Variants in NTM observed in about 807,000 individuals in gnomAD.
NTM encodes the protein IgLON family member 2.
NTM carries 13 observed loss-of-function variants against 42.1 expected under a neutral mutation model. The observed-to-expected ratio is 0.31, with a 90% CI of 0.20 to 0.49. NTM has a LOEUF of 0.49. Among genes scored for constraint, NTM ranks in the 20% least tolerant of loss-of-function variants. NTM has a pLI of 0.99. For synonymous variants in NTM, 187 were observed against 179.2 expected (o/e 1.04, Z -0.35); for missense variants, 373 against 452.8 (o/e 0.82, Z 1.60).
At chr11:131,848,904 A>G (rs911006381) in intron 1 of NTM, among the ~76,000 whole-genome samples, 5 of 152,220 alleles carry the variant, frequency 3.3e-5, no homozygotes, top group African/African-American at 1.2e-4. Flanking sequence ...AGCATATTAT[A>G]TTACTTGTCA....
chr11:131,476,376 G>T (rs537278160), intron 1 of NTM, among the ~76,000 whole-genome samples: 1 of 152,282 alleles, frequency 6.6e-6, no homozygotes, highest in Admixed American at 6.5e-5. Context: ...CATGTACCTG[G>T]GCCCTGTGGC....
intron 2 of NTM, among the ~76,000 whole-genome samples, chr11:132,141,368 C>G (rs892437535): frequency 1.3e-5 from 2 of 152,132 alleles, no homozygotes; most frequent in East Asian, 1.9e-4. Context: ...CTGCGGTGCA[C>G]ATCTTGGGCT....
chr11:131,919,038 A>C (rs936657124), intron 2 of NTM, among the ~76,000 whole-genome samples: 2 of 152,042 alleles, frequency 1.3e-5, no homozygotes, highest in Non-Finnish European at 2.9e-5. Flanking sequence ...CAATTCTAGG[A>C]GGATTCTACA....
intron 1 of NTM, among the ~76,000 whole-genome samples, chr11:131,429,899 C>T (rs1416639988): frequency 6.6e-6 from 1 of 152,204 alleles, no homozygotes; most frequent in Non-Finnish European, 1.5e-5. Context: ...TATTATGGCA[C>T]TGACATTGTA....
intron 1 of NTM, among the ~76,000 whole-genome samples, chr11:131,474,960 G>A (rs1422682481): frequency 6.6e-6 from 1 of 152,140 alleles, no homozygotes; most frequent in Non-Finnish European, 1.5e-5. Context: ...TTTCTCTCTA[G>A]CCTCATTGCC....
At chr11:132,018,116 CCTCTGTCT>C (rs1272555116) in intron 2 of NTM, among the ~76,000 whole-genome samples, 5 of 151,328 alleles carry the variant, frequency 3.3e-5, no homozygotes, top group South Asian at 2.1e-4. Flanking sequence ...TCCCTCTCTC[CCTCTGTCT>C]CTCTGTCTCT....
chr11:132,189,741 T>C (rs1214291633), intron 3 of NTM, among the ~76,000 whole-genome samples: 1 of 152,136 alleles, frequency 6.6e-6, no homozygotes, highest in South Asian at 2.1e-4. Context: ...GTGTCAATAG[T>C]TATGTCATAG....
At chr11:131,491,033 A>G (rs1954724122) in intron 1 of NTM, among the ~76,000 whole-genome samples, 2 of 152,208 alleles carry the variant, frequency 1.3e-5, no homozygotes, top group Non-Finnish European at 2.9e-5. Flanking sequence ...CATGTGGCCC[A>G]GTATTGGGGA....
chr11:132,227,582 T>A (rs978119232), intron 4 of NTM, among the ~76,000 whole-genome samples: 1 of 152,120 alleles, frequency 6.6e-6, no homozygotes, highest in African/African-American at 2.4e-5. Flanking sequence ...CGGTGTTCTC[T>A]GTTGTTCCTC....
At chr11:132,108,660 T>C (rs1183311707) in intron 2 of NTM, among the ~76,000 whole-genome samples, 1 of 151,924 alleles carries the variant, frequency 6.6e-6, no homozygotes, top group Non-Finnish European at 1.5e-5. Context: ...ATGTCACCTG[T>C]CCCCGAAAAA....
Position 131,749,543 on chromosome 11 carries a change from G to A in NTM, c.83-162021G>A, listed in dbSNP as rs1445097957. Among the ~76,000 whole-genome samples the A allele has an allele frequency of 3.3e-5, 5 of 152,194 alleles. No individual in the cohort carries two copies. The East Asian group carries it at 5.8e-4, about 18-fold the overall frequency. The stretch of plus-strand genomic sequence containing the variant: ...CCCTACCTTGATCCCTTAGCCCCTG[G>A]GACACACCTCTGTTGTTGACGTATG... On this transcript the variant is annotated intron_variant, in intron 1 of 8. Coordinates refer to ENST00000683400, the MANE Select transcript of NTM (RefSeq NM_001352005.2).
intron 1 of NTM, among the ~76,000 whole-genome samples, chr11:131,782,319 A>G (rs756474419): frequency 3.9e-5 from 6 of 151,966 alleles, no homozygotes; most frequent in Non-Finnish European, 8.8e-5. Flanking sequence ...CAAACCAAAA[A>G]TTACCAAAAT....
At chr11:131,752,397 TG>T (rs765940339) in intron 1 of NTM, among the ~76,000 whole-genome samples, 6 of 152,200 alleles carry the variant, frequency 3.9e-5, no homozygotes, top group Non-Finnish European at 7.3e-5. Flanking sequence ...CAACAGGTGC[TG>T]GAGAGGATGT....
chr11:131,477,726 A>G (rs190059028), intron 1 of NTM, among the ~76,000 whole-genome samples: 1 of 152,008 alleles, frequency 6.6e-6, no homozygotes, highest in East Asian at 1.9e-4. Context: ...CTAGATATCT[A>G]TTCCCAGATG....
At chr11:132,242,633 A>ACCC (rs1406231745) in intron 4 of NTM, among the ~76,000 whole-genome samples, 1 of 152,180 alleles carries the variant, frequency 6.6e-6, no homozygotes, top group Non-Finnish European at 1.5e-5. Context: ...CCGAGTAGCC[A>ACCC]CCCTGTTTGA....
chr11:131,372,988 C>A (rs1941426704), intron 1 of NTM, among the ~76,000 whole-genome samples: 2 of 152,064 alleles, frequency 1.3e-5, no homozygotes, highest in South Asian at 4.1e-4. Flanking sequence ...TCTACCGAAT[C>A]CGGAATTTCT....
intron 2 of NTM, among the ~76,000 whole-genome samples, chr11:132,144,939 G>A (rs1035747779): frequency 1.1e-4 from 17 of 152,232 alleles, no homozygotes; most frequent in Admixed American, 1.0e-3. Flanking sequence ...ATTTACATAA[G>A]CAAAGCAGAA....
intron 1 of NTM, among the ~76,000 whole-genome samples, chr11:131,411,719 G>A (rs768298406): frequency 1.8e-4 from 28 of 152,018 alleles, no homozygotes; most frequent in Non-Finnish European, 2.8e-4. Flanking sequence ...TCCCCACATC[G>A]CAGTTGTACG....
chr11:132,131,204 T>C (rs892723518), intron 2 of NTM, among the ~76,000 whole-genome samples: 2 of 152,208 alleles, frequency 1.3e-5, no homozygotes, highest in African/African-American at 2.4e-5. Context: ...CGTGTTATGC[T>C]TCTGGCAGCC....
Sources: allele counts gnomAD v4.1 joint callset (sites outside exome capture counted in the v4.1 genomes callset), GRCh38; gene constraint gnomAD v4.1.1; transcripts MANE v1.5; gene names NCBI Gene and HGNC (gene_info 2026-07-23, HGNC 2026-07-21).